PCDH9: variants seen among roughly 807,000 people sequenced by gnomAD.
The protein encoded by PCDH9 is protocadherin-9.
A neutral mutation model predicts 70.6 loss-of-function variants in PCDH9; 24 were observed. The ratio of observed to expected loss-of-function variants is 0.34; its 90% CI spans 0.25 to 0.48. PCDH9 has a LOEUF of 0.48. PCDH9 is among the 20% of genes least tolerant of loss of function. The pLI, the probability that PCDH9 is intolerant of heterozygous loss-of-function variation, is 0.99. For missense variants in PCDH9, 1,281 were observed against 1,503.6 expected (o/e 0.85, Z 2.45); for synonymous variants, 562 against 558.5 (o/e 1.01, Z -0.09).
chr13:66,950,984 A>G (rs559244914), intron 2 of PCDH9, among the ~76,000 whole-genome samples: 2 of 152,198 alleles, frequency 1.3e-5, no homozygotes, highest in South Asian at 4.1e-4. Context: ...ATTGAATTTT[A>G]TCATTTAATT....
chr13:66,976,244 G>A (rs1261946301), intron 2 of PCDH9, among the ~76,000 whole-genome samples: 1 of 151,948 alleles, frequency 6.6e-6, no homozygotes, highest in African/African-American at 2.4e-5. Context: ...ATTTATTTTA[G>A]TTTTAAATAT....
chr13:66,945,181 C>T (rs1464749390), intron 2 of PCDH9, among the ~76,000 whole-genome samples: 4 of 150,516 alleles, frequency 2.7e-5, no homozygotes, highest in Non-Finnish European at 4.4e-5. Context: ...CCAGCTTTTA[C>T]CATCTGAGAC....
chr13:66,980,088 CTATCTATCTATCT>C (rs1032552016), intron 2 of PCDH9, among the ~76,000 whole-genome samples: 4 of 148,670 alleles, frequency 2.7e-5, no homozygotes, highest in African/African-American at 1.0e-4. Flanking sequence ...CTCTATCTAT[CTATCTATCTATCT>C]ATCTATCTAT....
At chr13:66,376,452 T>A (rs1425562633) in intron 4 of PCDH9, among the ~76,000 whole-genome samples, 1 of 152,158 alleles carries the variant, frequency 6.6e-6, no homozygotes, top group Non-Finnish European at 1.5e-5. Context: ...GTTGTTCTCC[T>A]TATAATAATG....
chr13:67,211,168 C>T (rs771974916), intron 2 of PCDH9: 3 of 151,814 alleles, frequency 2.0e-5, no homozygotes, highest in Admixed American at 6.6e-5. Context: ...TAATTTTAAC[C>T]AATAATATTT....
At chr13:66,815,642 A>C (rs974993783) in intron 3 of PCDH9, among the ~76,000 whole-genome samples, 1 of 152,184 alleles carries the variant, frequency 6.6e-6, no homozygotes, top group African/African-American at 2.4e-5. Context: ...CCAGTATCCT[A>C]AGTGAACTAA....
In PCDH9 at chr13:66,664,060, G is replaced by T. The variant is rs145448694; in HGVS notation, c.3139-32649C>A. 3.3e-3 allele frequency among the ~76,000 whole-genome samples: 502 copies of T among 152,306 alleles called. 7 individuals carry two copies. The highest frequency in any genetic ancestry group is 0.012 in the African/African-American group (485 of 41,564). ...ACTGAAAACAGCCAGCCAGACCACT[G>T]TGGGATAAGTTTCCTATCCCTTTTG... is the stretch of plus-strand genomic sequence containing the variant. On this transcript the variant is annotated intron_variant, in intron 3 of 4. Coordinates refer to ENST00000377865, the MANE Select transcript of PCDH9 (RefSeq NM_203487.3).
rs1957386083 is a variant in PCDH9, at chr13:66,412,416, C to A, written c.3341-107388G>T. On this transcript the variant is annotated intron_variant, in intron 4 of 4. Coordinates refer to ENST00000377865, the MANE Select transcript of PCDH9 (RefSeq NM_203487.3). ...TTAAGAGAAACATGTCTGATAGGCC[C>A]TTTCCTTAGCAGAAATGTAAGCCGG... Among the ~76,000 whole-genome samples, 4 of 152,288 alleles carry A rather than the reference C, an allele frequency of 2.6e-5. No individual in the cohort carries two copies. In the South Asian group the frequency reaches 8.3e-4, roughly 32 times the overall value.
At chr13:66,372,027 C>T (rs1023405429) in intron 4 of PCDH9, among the ~76,000 whole-genome samples, 1 of 151,998 alleles carries the variant, frequency 6.6e-6, no homozygotes, top group Non-Finnish European at 1.5e-5. Flanking sequence ...AAGAGACTCC[C>T]TCCCACTTCT....
intron 2 of PCDH9, among the ~76,000 whole-genome samples, chr13:67,147,082 T>A (rs570830897): frequency 6.6e-6 from 1 of 152,294 alleles, no homozygotes; most frequent in South Asian, 2.1e-4. Context: ...AATGGACTGT[T>A]TCTCTGCTCC....
intron 2 of PCDH9, among the ~76,000 whole-genome samples, chr13:66,983,487 A>G (rs184139371): frequency 1.5e-4 from 22 of 143,256 alleles, no homozygotes; most frequent in Non-Finnish European, 3.3e-4. Context: ...GTAATTAGCC[A>G]AATATAAATA....
intron 2 of PCDH9, among the ~76,000 whole-genome samples, chr13:66,999,049 T>C (rs2084182470): frequency 1.3e-5 from 2 of 152,226 alleles, no homozygotes; most frequent in Non-Finnish European, 2.9e-5. Context: ...CATCCTGTAA[T>C]AACAGCCATT....
intron 4 of PCDH9, among the ~76,000 whole-genome samples, chr13:66,436,485 G>T (rs908532756): frequency 3.3e-5 from 5 of 152,036 alleles, no homozygotes; most frequent in African/African-American, 7.2e-5. Context: ...TCTTTGTAGG[G>T]TTGGAGATTC....
At chr13:66,781,898 C>T (rs961287037) in intron 3 of PCDH9, among the ~76,000 whole-genome samples, 1 of 149,776 alleles carries the variant, frequency 6.7e-6, no homozygotes, top group Non-Finnish European at 1.5e-5. Context: ...AATCAAAAGC[C>T]TCTAGGCACT....
At chr13:66,749,975 A>C (rs578111507) in intron 3 of PCDH9, among the ~76,000 whole-genome samples, 1 of 152,036 alleles carries the variant, frequency 6.6e-6, no homozygotes, top group South Asian at 2.1e-4. Flanking sequence ...AATATTTAAA[A>C]GAAAAAAATG....
At chr13:67,203,661 T>C (rs776242404) in intron 2 of PCDH9, 5 of 152,056 alleles carry the variant, frequency 3.3e-5, no homozygotes, top group Non-Finnish European at 7.4e-5. Context: ...TGCATGCAAT[T>C]AAAGAAAAGA....
chr13:66,405,355 C>T (rs1015850231), intron 4 of PCDH9, among the ~76,000 whole-genome samples: 6 of 152,292 alleles, frequency 3.9e-5, no homozygotes, highest in African/African-American at 1.2e-4. Flanking sequence ...TTTGCATTTG[C>T]ACAGTTTACA....
At position 66,325,472 on chromosome 13, in the gene PCDH9, C is replaced by CT. The variant is rs1259005321; in HGVS notation, c.3341-20445_3341-20444insA. Among the ~76,000 whole-genome samples, 63 of 152,102 alleles carry CT rather than the reference C, an allele frequency of 4.1e-4. No homozygotes were observed. In the East Asian group the frequency reaches 0.01, roughly 25 times the overall value. ...AAAATAATTTTAAGGGCAGAGATAA[C>CT]ATTTGTGTAGAGTTAAACTATGTCA... On this transcript the variant is annotated intron_variant, in intron 4 of 4. Coordinates refer to ENST00000377865, the MANE Select transcript of PCDH9 (RefSeq NM_203487.3).
At chr13:66,346,632 G>C (rs1956216988) in intron 4 of PCDH9, among the ~76,000 whole-genome samples, 1 of 152,138 alleles carries the variant, frequency 6.6e-6, no homozygotes, top group Non-Finnish European at 1.5e-5. Context: ...TGGTAGAGCA[G>C]CCTGGGTATC....
Sources: allele counts gnomAD v4.1 joint callset (sites outside exome capture counted in the v4.1 genomes callset), GRCh38; gene constraint gnomAD v4.1.1; transcripts MANE v1.5; gene names NCBI Gene and HGNC (gene_info 2026-07-23, HGNC 2026-07-21).